RYR3: variants seen among roughly 807,000 people sequenced by gnomAD.
The protein encoded by RYR3 is ryanodine receptor 3.
RYR3 carries 207 observed loss-of-function variants against 584.3 expected under a neutral mutation model. The ratio of observed to expected loss-of-function variants is 0.35; its 90% CI spans 0.32 to 0.40. The LOEUF (loss-of-function observed/expected upper bound fraction) is 0.40. Ranked by LOEUF, RYR3 falls within the 10% of genes least tolerant of loss-of-function variation. The pLI, the probability that RYR3 is intolerant of heterozygous loss-of-function variation, is 1.00. For synonymous variants in RYR3, 2,416 were observed against 2,248.5 expected (o/e 1.07, Z -2.11); for missense variants, 5,616 against 6,089.2 (o/e 0.92, Z 2.59).
At chr15:33,701,278 GC>G (rs1338725120) in intron 42 of RYR3, among the ~76,000 whole-genome samples, 198 bp downstream of exon 42, 1 of 152,204 alleles carries the variant, frequency 6.6e-6, no homozygotes, top group Non-Finnish European at 1.5e-5. Context: ...AACACAGGTA[GC>G]CAACTTCAGA....
intron 64 of RYR3, among the ~76,000 whole-genome samples, chr15:33,776,510 G>C (rs1596536787): frequency 6.6e-6 from 1 of 152,276 alleles, no homozygotes; most frequent in Non-Finnish European, 1.5e-5. Context: ...TCTACTTCAT[G>C]CTTTAAAGCT....
At chr15:33,334,059 A>G (rs1336883020) in intron 1 of RYR3, among the ~76,000 whole-genome samples, 1 of 152,258 alleles carries the variant, frequency 6.6e-6, no homozygotes, top group African/African-American at 2.4e-5. Flanking sequence ...AAAACATTCC[A>G]TGCTCATGGA....
intron 67 of RYR3, among the ~76,000 whole-genome samples, chr15:33,794,387 C>T (rs966362425): frequency 2.4e-4 from 35 of 145,802 alleles, no homozygotes; most frequent in African/African-American, 4.6e-4. Context: ...CCTTACCTAT[C>T]TATGGGAAAT....
intron 62 of RYR3, among the ~76,000 whole-genome samples, chr15:33,770,269 G>A (rs1232947616): frequency 2.0e-5 from 3 of 152,138 alleles, no homozygotes; most frequent in African/African-American, 7.2e-5. Flanking sequence ...ACTGAGAATG[G>A]CTATAAAAAA....
intron 20 of RYR3, 47 bp downstream of exon 20, chr15:33,624,070 T>C: frequency 8.2e-7 from 1 of 1,223,576 alleles, no homozygotes; most frequent in Non-Finnish European, 1.2e-6. Context: ...GATGAAGCAA[T>C]AGAGTTAAAT....
In RYR3 at chr15:33,854,470, A is replaced by G. The variant is rs767552185; in HGVS notation, c.13860+21A>G. On this transcript the variant is annotated intron_variant, in intron 97 of 103. Transcript: ENST00000634891. ...ACAACGTAAGTACTGCACCTGGAAAAACAAAATTCTATACCCCAGTTCAGG... is the reference window on the plus strand; with the variant it reads ...ACAACGTAAGTACTGCACCTGGAAAGACAAAATTCTATACCCCAGTTCAGG... 9.0e-6 allele frequency: 14 copies of G among 1,547,140 alleles called. No homozygotes were observed. The African/African-American group carries it at 1.9e-4, about 21-fold the overall frequency.
intron 1 of RYR3, among the ~76,000 whole-genome samples, chr15:33,324,892 T>G (rs1969476385): frequency 6.6e-6 from 1 of 152,200 alleles, no homozygotes; most frequent in Non-Finnish European, 1.5e-5. Context: ...TGTCTCAGTT[T>G]CTGATCTCAG....
chr15:33,337,776 C>T (rs1971299095), intron 1 of RYR3, among the ~76,000 whole-genome samples: 1 of 152,090 alleles, frequency 6.6e-6, no homozygotes, highest in African/African-American at 2.4e-5. Context: ...CCTCTAAACT[C>T]ATCCACATGT....
chr15:33,420,034 T>TA (rs2044124664), intron 1 of RYR3, among the ~76,000 whole-genome samples: 1 of 152,166 alleles, frequency 6.6e-6, no homozygotes, highest in African/African-American at 2.4e-5. Flanking sequence ...CCAGCAGAAT[T>TA]AAAAACTAAG....
intron 2 of RYR3, among the ~76,000 whole-genome samples, chr15:33,486,000 A>T (rs778462554): frequency 6.6e-6 from 1 of 151,948 alleles, no homozygotes; most frequent in Non-Finnish European, 1.5e-5. Flanking sequence ...ACATGGTTAG[A>T]CAGTGGCCTG....
intron 1 of RYR3, among the ~76,000 whole-genome samples, chr15:33,320,139 C>T (rs910368834): frequency 2.0e-5 from 3 of 152,174 alleles, no homozygotes; most frequent in Non-Finnish European, 4.4e-5. Flanking sequence ...TGAATGAAAG[C>T]ACTCCCTAGA....
At chr15:33,461,229 C>T (rs1256742613) in intron 1 of RYR3, among the ~76,000 whole-genome samples, 1 of 152,068 alleles carries the variant, frequency 6.6e-6, no homozygotes, top group East Asian at 1.9e-4. Flanking sequence ...CAGGCGTGAG[C>T]CACCGCGCCC....
In RYR3 at chr15:33,726,436, C is replaced by T. The variant is rs1388705445; in HGVS notation, c.6963C>T (p.Arg2321=). 1 of 1,611,648 alleles carries T rather than the reference C, an allele frequency of 6.2e-7. No homozygotes were observed. Among genetic ancestry groups the T allele is most frequent in the Admixed American group, 1.7e-5 (1 of 59,754 alleles). Residue 2321 remains arginine (R), a synonymous_variant, in exon 46 of 104, where the codon CGC becomes CGT. Coordinates refer to ENST00000634891, the MANE Select transcript of RYR3 (RefSeq NM_001036.6). ...GEAIRIRSIL[R]SLVPTEDLVG... ...CCATCCGCATCAGGTCCATCCTGCG[C>T]TCCCTGGTCCCCACAGAAGACCTGG...
chr15:33,524,566 C>G (rs1004946404), intron 3 of RYR3, among the ~76,000 whole-genome samples: 1 of 152,162 alleles, frequency 6.6e-6, no homozygotes, highest in Non-Finnish European at 1.5e-5. Context: ...TATGGACTTC[C>G]TTATGGCCCT....
At position 33,662,900 on chromosome 15, in the gene RYR3, T is replaced by C; in HGVS notation, c.5370T>C (p.Pro1790=). Residue 1790 remains proline (P), a synonymous_variant, in exon 35 of 104, where the codon CCT becomes CCC. Transcript: ENST00000634891. ...EAGEKAGKEA[P]VKGLLQTRLP... is the part of the protein sequence containing the mutation. ...GGGAGAAGGCCGGCAAGGAGGCTCC[T>C]GTCAAAGGCTTGTTGCAGACTCGAT... 6.2e-7 allele frequency: 1 copy of C among 1,613,432 alleles called. No homozygotes were observed. The highest frequency in any genetic ancestry group is 8.5e-7 in the Non-Finnish European group (1 of 1,179,868).
At chr15:33,781,094 T>G (rs1316754336) in intron 65 of RYR3, among the ~76,000 whole-genome samples, 1 of 152,216 alleles carries the variant, frequency 6.6e-6, no homozygotes, top group Admixed American at 6.5e-5. Flanking sequence ...GGAAACGTTT[T>G]CCACCCTCTT....
At position 33,736,398 on chromosome 15, in the gene RYR3, AC is replaced by A. The variant is rs2069465937; in HGVS notation, c.7515+74del. The A allele has an allele frequency of 3.9e-5, 39 of 1,000,596 alleles. 1 individual carries two copies. The South Asian group carries it at 5.5e-4, about 14-fold the overall frequency. 62.0% of individuals were successfully genotyped at this position (1,000,596 alleles called of 1,614,324 possible). A position where few individuals can be genotyped will look rare whatever the true frequency, so the allele number is the denominator to read the frequency against. On this transcript the variant is annotated intron_variant, in intron 49 of 103. Transcript: ENST00000634891. The stretch of plus-strand genomic sequence containing the variant: ...TTGCCTTGTAATATGTGATGTCTTC[AC>A]AATTTAGAAGGAAAAATACATGCTA...
Position 33,785,759 on chromosome 15 carries a change from C to T in RYR3, c.9366C>T (p.Ala3122=). 1 of 1,613,934 alleles carries T rather than the reference C, an allele frequency of 6.2e-7. No homozygotes were observed. The highest frequency in any genetic ancestry group is 8.5e-7 in the Non-Finnish European group (1 of 1,179,862). ...KEINDLAESG[A]RYTEMPHVIE... The stretch of plus-strand genomic sequence containing the variant: ...TCAACGACCTGGCCGAGTCAGGGGC[C>T]CGGTACACAGAGATGCCCCATGTCA... The change falls in exon 66 of 104, where the codon GCC becomes GCT. Residue 3122 remains alanine (A), a synonymous_variant. Transcript: ENST00000634891.
At chr15:33,475,724 C>CT (rs2049313905) in intron 2 of RYR3, among the ~76,000 whole-genome samples, 1 of 152,192 alleles carries the variant, frequency 6.6e-6, no homozygotes, top group African/African-American at 2.4e-5. Context: ...AGGTACCTCA[C>CT]TTTTCTGAGC....
Sources: allele counts gnomAD v4.1 joint callset (sites outside exome capture counted in the v4.1 genomes callset), GRCh38; gene constraint gnomAD v4.1.1; transcripts MANE v1.5; gene names NCBI Gene and HGNC (gene_info 2026-07-23, HGNC 2026-07-21).